Variants in NT5M observed in about 807,000 individuals in gnomAD.
The protein encoded by NT5M is 5',3'-nucleotidase, mitochondrial, also known as 5'(3')-deoxyribonucleotidase, mitochondrial.
A neutral mutation model predicts 22.2 loss-of-function variants in NT5M; 22 were observed. The ratio of observed to expected loss-of-function variants is 0.99; its 90% CI spans 0.71 to 1.41. The LOEUF is 1.41. Ranked by LOEUF, NT5M falls within the 40% of genes most tolerant of loss-of-function variation. The probability of loss-of-function intolerance (pLI) is 0.00; values close to 1 mark genes in which losing one functional copy is unlikely to be tolerated. For missense variants in NT5M, 322 were observed against 314.8 expected (o/e 1.02, Z -0.17); for synonymous variants, 167 against 133.0 (o/e 1.26, Z -1.76).
intron 2 of NT5M, among the ~76,000 whole-genome samples, chr17:17,315,210 T>A (rs1318636904): frequency 5.3e-5 from 8 of 152,212 alleles, no homozygotes; most frequent in Admixed American, 2.0e-4. Context: ...TTTAACATGG[T>A]GCTCACTGTC....
chr17:17,333,958 C>T (rs935435369), intron 3 of NT5M, among the ~76,000 whole-genome samples: 14 of 151,954 alleles, frequency 9.2e-5, no homozygotes, highest in African/African-American at 2.4e-4. Context: ...CTCAGCCTCC[C>T]GAGTAGCTGG....
intron 3 of NT5M, among the ~76,000 whole-genome samples, chr17:17,328,612 T>C (rs1243447513): frequency 2.0e-5 from 3 of 152,204 alleles, no homozygotes; most frequent in Non-Finnish European, 4.4e-5. Flanking sequence ...AGCCCCGGTC[T>C]AGGCTTAAGC....
At chr17:17,318,611 C>T (rs563191742) in intron 2 of NT5M, among the ~76,000 whole-genome samples, 1 of 150,010 alleles carries the variant, frequency 6.7e-6, no homozygotes, top group East Asian at 2.0e-4. Context: ...CATGGAGAAA[C>T]TCTGTCTCTA....
chr17:17,313,777 C>T (rs2048968223), intron 2 of NT5M, among the ~76,000 whole-genome samples: 1 of 152,186 alleles, frequency 6.6e-6, no homozygotes, highest in Admixed American at 6.6e-5. Flanking sequence ...GGAGGCCACG[C>T]CATTGTGCTG....
At chr17:17,319,071 C>T (rs1408778479) in intron 2 of NT5M, among the ~76,000 whole-genome samples, 4 of 151,674 alleles carry the variant, frequency 2.6e-5, no homozygotes, top group South Asian at 4.2e-4. Context: ...ATTAGCTGAG[C>T]GTGTTGGTGG....
intron 2 of NT5M, among the ~76,000 whole-genome samples, chr17:17,314,857 T>A (rs1313544579): frequency 6.6e-6 from 1 of 152,228 alleles, no homozygotes; most frequent in Non-Finnish European, 1.5e-5. Flanking sequence ...GCATGTTGCC[T>A]CCTCACAGAG....
At position 17,306,462 on chromosome 17, in the gene NT5M, A is replaced by G. The variant is rs538566043; in HGVS notation, c.268-81A>G. 1.1e-4 allele frequency: 100 copies of G among 932,746 alleles called. No homozygotes were observed. The African/African-American group carries it at 1.4e-3, about 13-fold the overall frequency. The allele number at this position is 932,746 out of a possible 1,614,324, so 57.8% of individuals were successfully genotyped here. A position where few individuals can be genotyped will look rare whatever the true frequency, so the allele number is the denominator to read the frequency against. Reference sequence around the variant, plus strand: ...AGAGGAATGAAGAACCACTCCCCCTATAGCCTGGCCATACTCCCCAAGATG... The same window carrying G: ...AGAGGAATGAAGAACCACTCCCCCTGTAGCCTGGCCATACTCCCCAAGATG... On this transcript the variant is annotated intron_variant, in intron 1 of 4. Transcript: ENST00000389022.
intron 4 of NT5M, among the ~76,000 whole-genome samples, chr17:17,345,634 C>CA (rs34513135): frequency 0.07 from 6,895 of 98,526 alleles, 282 homozygotes; most frequent in African/African-American, 0.17. Context: ...CCTGTCTCTA[C>CA]AAAAAAAAAA....
chr17:17,344,959 GC>G, intron 4 of NT5M, 51 bp downstream of exon 4: 1 of 1,610,426 alleles, frequency 6.2e-7, no homozygotes. Flanking sequence ...CCCAGCCTTG[GC>G]CCCCTTCTCC....
In NT5M at chr17:17,344,974, G is replaced by T; in HGVS notation, c.544+66G>T. 4 of 1,603,052 alleles carry T rather than the reference G, an allele frequency of 2.5e-6. No homozygotes were observed. The highest frequency in any genetic ancestry group is 3.4e-6 in the Non-Finnish European group (4 of 1,174,876). On this transcript the variant is annotated intron_variant, in intron 4 of 4. Coordinates refer to ENST00000389022, the MANE Select transcript of NT5M (RefSeq NM_020201.4). Reference sequence around the variant, plus strand: ...CCCAGCCTTGGCCCCCTTCTCCTGGGCAGTGAGCACTCAGTTGCTTCCTGC... The same window carrying T: ...CCCAGCCTTGGCCCCCTTCTCCTGGTCAGTGAGCACTCAGTTGCTTCCTGC...
At chr17:17,306,020 T>C (rs1380195718) in intron 1 of NT5M, among the ~76,000 whole-genome samples, 1 of 152,080 alleles carries the variant, frequency 6.6e-6, no homozygotes, top group Non-Finnish European at 1.5e-5. Context: ...CCTCAACATA[T>C]AAAACCGATA....
chr17:17,305,476 A>T (rs1567877285), intron 1 of NT5M, among the ~76,000 whole-genome samples: 2 of 137,438 alleles, frequency 1.5e-5, no homozygotes, highest in African/African-American at 5.5e-5. Flanking sequence ...CTCTGTCTGT[A>T]TTCCCTTTGG....
At chr17:17,342,402 T>A (rs1051323917) in intron 3 of NT5M, among the ~76,000 whole-genome samples, 2 of 152,192 alleles carry the variant, frequency 1.3e-5, no homozygotes, top group African/African-American at 4.8e-5. Context: ...CCGTATTTTG[T>A]CTGCAGAGTG....
At chr17:17,329,039 G>A (rs1054981090) in intron 3 of NT5M, among the ~76,000 whole-genome samples, 3 of 152,048 alleles carry the variant, frequency 2.0e-5, no homozygotes, top group Non-Finnish European at 4.4e-5. Context: ...GTGCAGTGGC[G>A]TGATCTTGGC....
chr17:17,315,711 AGTTGAAGAGAGATTGAT>A (rs1242130410), intron 2 of NT5M, among the ~76,000 whole-genome samples: 3 of 143,524 alleles, frequency 2.1e-5, no homozygotes, highest in African/African-American at 7.7e-5. Context: ...TGGAGGGTGA[AGTTGAAGAGAGATTGAT>A]GTGATCTAAC....
intron 3 of NT5M, among the ~76,000 whole-genome samples, chr17:17,328,540 G>T (rs1054771842): frequency 6.6e-6 from 1 of 152,128 alleles, no homozygotes; most frequent in Non-Finnish European, 1.5e-5. Context: ...CCTGGGGGAG[G>T]CAAGGAAGGG....
Position 17,303,460 on chromosome 17 carries a change from G to A in NT5M, c.-91G>A, listed in dbSNP as rs2048723021. The A allele has an allele frequency of 2.0e-6, 2 of 1,004,220 alleles. No homozygotes were observed. Among genetic ancestry groups the A allele is most frequent in the African/African-American group, 1.7e-5 (1 of 57,406 alleles). The allele number at this position is 1,004,220 out of a possible 1,614,324, so 62.2% of individuals were successfully genotyped here. On this transcript the variant is annotated 5_prime_UTR_variant, in exon 1 of 5. Transcript: ENST00000389022. Reference sequence around the variant, plus strand: ...CTCCACGCGCGCCCCAGCGTTGGGGGCTTCTCCTCCGCGGCGGGAATGTCT... The same window carrying A: ...CTCCACGCGCGCCCCAGCGTTGGGGACTTCTCCTCCGCGGCGGGAATGTCT...
intron 1 of NT5M, among the ~76,000 whole-genome samples, chr17:17,304,199 G>A (rs2048742667): frequency 6.6e-6 from 1 of 151,800 alleles, no homozygotes; most frequent in African/African-American, 2.4e-5. Context: ...TTTGTCCCCA[G>A]GACTTTGATG....
Position 17,303,742 on chromosome 17 carries a change from G to GC in NT5M, c.195dup (p.Phe66LeufsTer39). ...AGTTCCGCGCGCGCTTTCCCGACCAGCCCTTCATCGCGCTGGAGGACCGGC... is the reference window on the plus strand; with the variant it reads ...AGTTCCGCGCGCGCTTTCCCGACCAGCCCCTTCATCGCGCTGGAGGACCGGC... On this transcript the variant is annotated frameshift_variant, in exon 1 of 5. Coordinates refer to ENST00000389022, the MANE Select transcript of NT5M (RefSeq NM_020201.4). LOFTEE classifies it high-confidence loss of function. The GC allele has an allele frequency of 6.3e-7, 1 of 1,590,378 alleles. No individual in the cohort carries two copies. Among genetic ancestry groups the GC allele is most frequent in the Non-Finnish European group, 8.5e-7 (1 of 1,170,512 alleles).
Sources: allele counts gnomAD v4.1 joint callset (sites outside exome capture counted in the v4.1 genomes callset), GRCh38; gene constraint gnomAD v4.1.1; transcripts MANE v1.5; gene names NCBI Gene and HGNC (gene_info 2026-07-23, HGNC 2026-07-21).